The following SHCBP1 variants were observed in gnomAD, a reference collection of about 807,000 sequenced individuals.
SHCBP1 encodes the protein SHC binding and spindle associated 1, also known as SHC SH2 domain-binding protein 1.
SHCBP1 carries 60 observed loss-of-function variants against 75.1 expected under a neutral mutation model. The observed-to-expected ratio is 0.80, with a 90% confidence interval of 0.65 to 0.99. SHCBP1 has a LOEUF of 0.99. Among genes scored for constraint, SHCBP1 ranks in the 50% least tolerant of loss-of-function variants. SHCBP1 has a pLI of 0.00. For synonymous variants in SHCBP1, 290 were observed against 293.2 expected (o/e 0.99, Z 0.11); for missense variants, 709 against 809.4 (o/e 0.88, Z 1.50).
chr16:46,618,482 T>C (rs1184479004), intron 1 of SHCBP1, 110 bp from the exon 2 acceptor site: 1 of 1,205,136 alleles, frequency 8.3e-7, no homozygotes, highest in Non-Finnish European at 1.1e-6. Flanking sequence ...AATTTGAATA[T>C]GAATAGTCTA....
In SHCBP1 at chr16:46,618,381, A is replaced by C; in HGVS notation, c.104-9T>G. On this transcript the variant is annotated splice_polypyrimidine_tract_variant and intron_variant, in intron 1 of 12. Coordinates refer to ENST00000303383, the MANE Select transcript of SHCBP1 (RefSeq NM_024745.5). ...TTCATCTTGGAACAAACCTAAAAAA[A>C]AAAAGCAAAAATAAGCAAGCTCCAG... The C allele has an allele frequency of 1.3e-6, 2 of 1,570,862 alleles. No homozygotes were observed. The highest frequency in any genetic ancestry group is 2.4e-5 in the South Asian group (2 of 83,022).
intron 8 of SHCBP1, among the ~76,000 whole-genome samples, chr16:46,602,994 A>G (rs1355810436): frequency 6.6e-6 from 1 of 152,238 alleles, no homozygotes; most frequent in African/African-American, 2.4e-5. Flanking sequence ...TTTGGTCAAG[A>G]CACAAAGTGT....
Position 46,604,093 on chromosome 16 carries a change from C to T in SHCBP1, c.974G>A (p.Arg325His), listed in dbSNP as rs767842642. Residue 325 changes from arginine to histidine, a missense_variant, in exon 7 of 13, where the codon CGT becomes CAT. Arg to His is a conservative substitution (Grantham distance 29, BLOSUM62 0). Coordinates refer to ENST00000303383, the MANE Select transcript of SHCBP1 (RefSeq NM_024745.5). Reference sequence around the variant, plus strand: ...ATGAGTGATCTTCTGACCGCTGGAACGGACACCCTTTGCTTGGATGTTAGA... The same window carrying T: ...ATGAGTGATCTTCTGACCGCTGGAATGGACACCCTTTGCTTGGATGTTAGA... ...KNSNIQAKGV[R>H]SSGQKITHVV... 3.1e-5 allele frequency: 50 copies of T among 1,614,200 alleles called. No individual in the cohort carries two copies. The East Asian group carries it at 3.8e-4, about 12-fold the overall frequency.
Position 46,583,575 on chromosome 16 carries a change from A to G in SHCBP1, c.1634T>C (p.Val545Ala), listed in dbSNP as rs1964904874. Reference protein sequence around the residue: ...IIHNNEGYGVVLVKPTIFSDL... With the variant: ...IIHNNEGYGVALVKPTIFSDL... ...AGAGAAGATTGTAGGTTTCACCAAG[A>G]CAACACCATAACCTTCATTATTATG... The change falls in exon 12 of 13, where the codon GTC becomes GCC. Residue 545 changes from valine to alanine, a missense_variant. Transcript: ENST00000303383. The G allele has an allele frequency of 1.2e-6, 2 of 1,611,842 alleles. No homozygotes were observed.
intron 10 of SHCBP1, among the ~76,000 whole-genome samples, chr16:46,587,462 G>T (rs1265608204): frequency 2.0e-5 from 3 of 152,072 alleles, no homozygotes; most frequent in African/African-American, 7.2e-5. Context: ...ACAATTAAAA[G>T]ACAAAGATTG....
At chr16:46,608,767 T>C (rs750134871) in intron 4 of SHCBP1, among the ~76,000 whole-genome samples, 1 of 151,926 alleles carries the variant, frequency 6.6e-6, no homozygotes, top group Admixed American at 6.6e-5. Context: ...ACCCAGCTAA[T>C]TTTTTGTATT....
chr16:46,605,115 AT>A (rs1428997092), intron 5 of SHCBP1, among the ~76,000 whole-genome samples: 1 of 152,206 alleles, frequency 6.6e-6, no homozygotes, highest in Non-Finnish European at 1.5e-5. Flanking sequence ...GCCATTACTA[AT>A]CTAGAGAGTG....
chr16:46,583,808 C>T (rs1964908634), intron 11 of SHCBP1, 151 bp from the exon 12 acceptor site: 2 of 1,011,510 alleles, frequency 2.0e-6, no homozygotes, highest in East Asian at 5.2e-5. Context: ...AGTGACACAG[C>T]TTTCCTCTGT....
chr16:46,606,751 C>A (rs1216757383), intron 5 of SHCBP1, among the ~76,000 whole-genome samples: 2 of 151,952 alleles, frequency 1.3e-5, no homozygotes, highest in Non-Finnish European at 2.9e-5. Flanking sequence ...GAAATCATAG[C>A]CCATTTACGA....
intron 4 of SHCBP1, among the ~76,000 whole-genome samples, chr16:46,608,816 G>T (rs1275282796): frequency 6.6e-6 from 1 of 152,000 alleles, no homozygotes; most frequent in South Asian, 2.1e-4. Context: ...GGCCAGGCTG[G>T]TCTCAAACTC....
At chr16:46,590,199 T>G (rs1965021530) in intron 10 of SHCBP1, among the ~76,000 whole-genome samples, 2 of 152,176 alleles carry the variant, frequency 1.3e-5, no homozygotes, top group African/African-American at 4.8e-5. Flanking sequence ...ATGTTAGACC[T>G]AAAACCATTA....
Position 46,607,427 on chromosome 16 carries a change from C to T in SHCBP1, c.689+870G>A, listed in dbSNP as rs552643820. On this transcript the variant is annotated intron_variant, in intron 5 of 12. Transcript: ENST00000303383. ...GTGTGAGTCACCATGCCGGGCCTCA[C>T]ACATTTTTTATTTTATTATTATTTA... Among the ~76,000 whole-genome samples, 7 of 152,226 alleles carry T rather than the reference C, an allele frequency of 4.6e-5. No individual in the cohort carries two copies. In the East Asian group the frequency reaches 9.7e-4, roughly 21 times the overall value.
intron 12 of SHCBP1, among the ~76,000 whole-genome samples, chr16:46,582,533 G>T (rs1964888705): frequency 6.6e-6 from 1 of 152,230 alleles, no homozygotes; most frequent in African/African-American, 2.4e-5. Flanking sequence ...CTTGAGGGAT[G>T]TTCTCTGTTG....
At chr16:46,583,887 G>A in intron 11 of SHCBP1, 116 bp downstream of exon 11, 1 of 967,518 alleles carries the variant, frequency 1.0e-6, no homozygotes, top group Admixed American at 2.6e-5. Context: ...ATCAAAATGT[G>A]TACACTGTTT....
At chr16:46,584,170 C>A in intron 10 of SHCBP1, 81 bp from the exon 11 acceptor site, 1 of 982,668 alleles carries the variant, frequency 1.0e-6, no homozygotes, top group South Asian at 1.6e-5. Context: ...ACTTCTTAGC[C>A]TTTAACACAG....
intron 1 of SHCBP1, 105 bp from the exon 2 acceptor site, chr16:46,618,477 G>A (rs1965537848): frequency 2.4e-6 from 3 of 1,231,084 alleles, no homozygotes; most frequent in Non-Finnish European, 3.3e-6. Flanking sequence ...ACAAGAATTT[G>A]AATATGAATA....
intron 10 of SHCBP1, among the ~76,000 whole-genome samples, chr16:46,590,727 T>A (rs1007010395): frequency 6.6e-6 from 1 of 152,118 alleles, no homozygotes; most frequent in Non-Finnish European, 1.5e-5. Context: ...TGGGAGTGTA[T>A]ATTAGTTCAA....
chr16:46,603,517 G>A, intron 8 of SHCBP1, 22 bp downstream of exon 8: 5 of 1,613,840 alleles, frequency 3.1e-6, no homozygotes, highest in Non-Finnish European at 3.4e-6. Flanking sequence ...TGAGAGTTTG[G>A]TTGTGTGTCT....
chr16:46,590,427 G>A (rs1346837072), intron 10 of SHCBP1, among the ~76,000 whole-genome samples: 2 of 152,062 alleles, frequency 1.3e-5, no homozygotes, highest in East Asian at 3.9e-4. Context: ...TCTGACAGAG[G>A]GCTAATATCC....
Sources: allele counts gnomAD v4.1 joint callset (sites outside exome capture counted in the v4.1 genomes callset), GRCh38; gene constraint gnomAD v4.1.1; transcripts MANE v1.5; gene names NCBI Gene and HGNC (gene_info 2026-07-23, HGNC 2026-07-21).